Variants in RARRES1 observed in about 807,000 individuals in gnomAD.
The protein encoded by RARRES1 is retinoic acid receptor responder 1.
Under a neutral mutation model 30.6 loss-of-function variants are expected in RARRES1, and 34 were observed. The observed-to-expected ratio is 1.11, with a 90% CI of 0.84 to 1.48. The LOEUF (loss-of-function observed/expected upper bound fraction) is 1.48, where lower values mean the gene tolerates loss of function less well. RARRES1 is among the 40% of genes most tolerant of loss of function. The probability of loss-of-function intolerance (pLI) is 0.00; values close to 1 mark genes in which losing one functional copy is unlikely to be tolerated. For synonymous variants in RARRES1, 153 were observed against 155.5 expected (o/e 0.98, Z 0.12); for missense variants, 373 against 386.5 (o/e 0.97, Z 0.29).
At chr3:158,728,073 A>C (rs1727747669) in intron 1 of RARRES1, among the ~76,000 whole-genome samples, 1 of 152,224 alleles carries the variant, frequency 6.6e-6, no homozygotes, top group African/African-American at 2.4e-5. Context: ...AACTTTTTAA[A>C]GCTGCAGCCC....
intron 4 of RARRES1, among the ~76,000 whole-genome samples, chr3:158,703,416 CA>C (rs1301212128): frequency 6.6e-6 from 1 of 151,872 alleles, no homozygotes; most frequent in Non-Finnish European, 1.5e-5. Context: ...TTATGTCTCC[CA>C]ACCAAAAAAA....
At chr3:158,713,376 G>C (rs888065912) in intron 2 of RARRES1, among the ~76,000 whole-genome samples, 1 of 152,122 alleles carries the variant, frequency 6.6e-6, no homozygotes, top group African/African-American at 2.4e-5. Context: ...GTGCCTCTGT[G>C]TACGTTAGCT....
At chr3:158,700,202 A>AGTGTGT (rs138755640) in intron 4 of RARRES1, among the ~76,000 whole-genome samples, 5,369 of 147,668 alleles carry the variant, frequency 0.036, 126 homozygotes, top group African/African-American at 0.057. Flanking sequence ...AATAATAATA[A>AGTGTGT]GTGTGTGTGT....
At chr3:158,708,318 C>T (rs1465670261) in intron 3 of RARRES1, among the ~76,000 whole-genome samples, 1 of 152,182 alleles carries the variant, frequency 6.6e-6, no homozygotes, top group Non-Finnish European at 1.5e-5. Context: ...GATCAAAACC[C>T]ATCACCCTAG....
intron 2 of RARRES1, among the ~76,000 whole-genome samples, chr3:158,711,930 A>T (rs1208867612): frequency 6.6e-6 from 1 of 152,126 alleles, no homozygotes; most frequent in Non-Finnish European, 1.5e-5. Flanking sequence ...ATATTCTGGG[A>T]TCTCCCTCAC....
chr3:158,727,902 T>A (rs943307373), intron 1 of RARRES1, among the ~76,000 whole-genome samples: 4 of 152,190 alleles, frequency 2.6e-5, no homozygotes, highest in African/African-American at 9.6e-5. Context: ...AGCACTTAGT[T>A]CTTCCTTGAA....
intron 1 of RARRES1, among the ~76,000 whole-genome samples, chr3:158,730,410 T>TCCTTCCTC (rs1158832605): frequency 3.0e-5 from 3 of 100,224 alleles, no homozygotes; most frequent in Non-Finnish European, 6.5e-5. Flanking sequence ...CTTCCTTCCT[T>TCCTTCCTC]CCTTCCTCTC....
intron 1 of RARRES1, among the ~76,000 whole-genome samples, 160 bp downstream of exon 1, chr3:158,731,980 G>T (rs1211969703): frequency 6.6e-6 from 1 of 152,160 alleles, no homozygotes. Context: ...GATACTTCAG[G>T]GGCGCCAGGC....
rs57473606 is a variant in RARRES1 at position 158,731,975 on chromosome 3, T to C, written c.276+165A>G. 0.026 allele frequency among the ~76,000 whole-genome samples: 3,960 copies of C among 152,280 alleles called. 180 individuals carry two copies. Among genetic ancestry groups the C allele is most frequent in the African/African-American group, 0.091 (3,770 of 41,568 alleles). On this transcript the variant is annotated intron_variant, in intron 1 of 5. Coordinates refer to ENST00000237696, the MANE Select transcript of RARRES1 (RefSeq NM_206963.2). ...GGGCCCCTTCCACGCCCTGGGATAC[T>C]TCAGGGGCGCCAGGCCCAGCTGGGA... is the stretch of plus-strand genomic sequence containing the variant.
At chr3:158,720,233 G>GGGGTGT (rs1553745427) in intron 1 of RARRES1, among the ~76,000 whole-genome samples, 9 of 139,350 alleles carry the variant, frequency 6.5e-5, no homozygotes, top group African/African-American at 2.5e-4. Context: ...GCTGGCTGCT[G>GGGGTGT]GTGTGTGTGT....
intron 3 of RARRES1, among the ~76,000 whole-genome samples, chr3:158,706,781 GA>G (rs768175449): frequency 6.6e-6 from 1 of 152,242 alleles, no homozygotes; most frequent in South Asian, 2.1e-4. Flanking sequence ...ATGTAGGACA[GA>G]AAGTGGGAAC....
At chr3:158,698,018 T>C (rs1726603602) in intron 4 of RARRES1, 48 bp from the exon 5 acceptor site, 3 of 1,294,342 alleles carry the variant, frequency 2.3e-6, no homozygotes. Context: ...TGGTATTTAG[T>C]GTAATAACTA....
In RARRES1 at chr3:158,732,244, G is replaced by T. The variant is rs1472469443; in HGVS notation, c.172C>A (p.Leu58Ile). The T allele has an allele frequency of 5.8e-6, 8 of 1,386,460 alleles. No individual in the cohort carries two copies. Among genetic ancestry groups the T allele is most frequent in the Non-Finnish European group, 6.5e-6 (7 of 1,079,230 alleles). The allele number at this position is 1,386,460 out of a possible 1,614,324, so 85.9% of individuals were successfully genotyped here. The change falls in exon 1 of 6, where the codon CTC becomes ATC. Residue 58 changes from leucine to isoleucine, a missense_variant. Physicochemically the swap from Leu to Ile is conservative, Grantham distance 5. Transcript: ENST00000237696. ...QPQDAGVPRR[L>I]LQQAARAALH... ...GCCGCGCGCGCCGCCTGCTGCAGGA[G>T]CCTGCGCGGGACCCCAGCATCCTGA...
rs1363662465 is a variant in RARRES1 at position 158,710,852 on chromosome 3, T to C, written c.421A>G (p.Ile141Val). 1 of 1,613,650 alleles carries C rather than the reference T, an allele frequency of 6.2e-7. No homozygotes were observed. Among genetic ancestry groups the C allele is most frequent in the East Asian group, 2.2e-5 (1 of 44,878 alleles). The change falls in exon 3 of 6, where the codon ATC becomes GTC. Residue 141 changes from isoleucine to valine, a missense_variant. Physicochemically the swap from Ile to Val is conservative, Grantham distance 29. Transcript: ENST00000237696. ...FFKNQKPRPT[I>V]NVTCTRLIEK... ...ATGAGCCGTGTACAAGTTACATTGA[T>C]GGTTGGTCTGGGTTTCTGATTCTTG...
At chr3:158,720,233 G>GGTGTGTGTGTGTGTGT (rs781535998) in intron 1 of RARRES1, among the ~76,000 whole-genome samples, 3,072 of 138,956 alleles carry the variant, frequency 0.022, 40 homozygotes, top group African/African-American at 0.038. Context: ...GCTGGCTGCT[G>GGTGTGTGTGTGTGTGT]GTGTGTGTGT....
chr3:158,730,109 C>G (rs1019101202), intron 1 of RARRES1, among the ~76,000 whole-genome samples: 1 of 151,926 alleles, frequency 6.6e-6, no homozygotes, highest in Non-Finnish European at 1.5e-5. Context: ...ATCACGAGGT[C>G]AGGAGTTCGA....
At chr3:158,715,047 G>C (rs1429972637) in intron 1 of RARRES1, among the ~76,000 whole-genome samples, 1 of 152,150 alleles carries the variant, frequency 6.6e-6, no homozygotes, top group African/African-American at 2.4e-5. Context: ...GAAGGAGAGA[G>C]AATTCCCGAG....
rs1468370458 is a variant in RARRES1 at position 158,723,129 on chromosome 3, G to C, written c.276+9011C>G. 2.6e-5 allele frequency among the ~76,000 whole-genome samples: 4 copies of C among 152,096 alleles called. No homozygotes were observed. Among genetic ancestry groups the C allele is most frequent in the African/African-American group, 9.7e-5 (4 of 41,402 alleles). On this transcript the variant is annotated intron_variant, in intron 1 of 5. Transcript: ENST00000237696. This position sits in a 1 kb window ranked among gnomAD's most constrained non-coding sequence, Gnocchi z 4.4. ...GGTCCTTCCTGTTGTGTTAGTGCCG[G>C]TTGTGACAACGTTAATTTCCTGTTC... is the stretch of plus-strand genomic sequence containing the variant.
intron 1 of RARRES1, among the ~76,000 whole-genome samples, chr3:158,721,504 C>G (rs1462370220): frequency 6.6e-6 from 1 of 152,162 alleles, no homozygotes; most frequent in African/African-American, 2.4e-5. Context: ...CACTGAAGGT[C>G]TAAGGGTTGC....
Sources: gnomAD v4.1 joint callset for allele counts (sites outside exome capture counted in the v4.1 genomes callset) on GRCh38, gnomAD v4.1.1 for gene constraint, Gnocchi (gnomAD v3.1) non-coding constraint, MANE v1.5 for transcripts, NCBI Gene and HGNC (gene_info 2026-07-23, HGNC 2026-07-21) for gene names.